Variants in ACOXL observed in about 807,000 individuals in gnomAD.
ACOXL encodes the protein acyl-CoA oxidase like.
Under a neutral mutation model 71.9 loss-of-function variants are expected in ACOXL, and 70 were observed. That is an observed-to-expected ratio of 0.97 (90% CI 0.80 to 1.19). ACOXL has a LOEUF of 1.19. ACOXL is among the 50% of genes most tolerant of loss of function. The pLI is 0.00. For missense variants in ACOXL, 703 were observed against 736.3 expected, an observed-to-expected ratio of 0.95 and a Z score of 0.52; for synonymous variants, 253 against 281.6, an observed-to-expected ratio of 0.90 and a Z score of 1.02.
At chr2:111,068,685 C>G (rs1178222153) in intron 16 of ACOXL, among the ~76,000 whole-genome samples, 2 of 152,096 alleles carry the variant, frequency 1.3e-5, no homozygotes, top group Non-Finnish European at 2.9e-5. Context: ...GGAGTCTTGC[C>G]CAACAATTAA....
intron 9 of ACOXL, among the ~76,000 whole-genome samples, chr2:110,806,909 C>T (rs1686717811): frequency 6.6e-6 from 1 of 151,464 alleles, no homozygotes; most frequent in Non-Finnish European, 1.5e-5. Context: ...CCAGACCAGG[C>T]AGAGGTGGGA....
At chr2:110,903,743 T>A (rs2059336110) in intron 10 of ACOXL, among the ~76,000 whole-genome samples, 1 of 152,238 alleles carries the variant, frequency 6.6e-6, no homozygotes, top group African/African-American at 2.4e-5. Flanking sequence ...ATTACAGCCC[T>A]GTGAGCTGTG....
intron 1 of ACOXL, among the ~76,000 whole-genome samples, chr2:110,733,792 T>C (rs1218944713): frequency 2.6e-5 from 4 of 152,226 alleles, no homozygotes; most frequent in African/African-American, 9.6e-5. Flanking sequence ...CGCCGACTTC[T>C]CTTTCCCTCT....
chr2:111,029,249 T>G (rs1055124548), intron 14 of ACOXL, among the ~76,000 whole-genome samples: 1 of 152,222 alleles, frequency 6.6e-6, no homozygotes, highest in African/African-American at 2.4e-5. Flanking sequence ...TTAAATCCCC[T>G]CCTGGAACCT....
intron 1 of ACOXL, among the ~76,000 whole-genome samples, chr2:110,762,766 C>T (rs1016202476): frequency 6.6e-6 from 1 of 152,150 alleles, no homozygotes; most frequent in Non-Finnish European, 1.5e-5. Context: ...AGCAATCCTC[C>T]TACCTCAGAC....
At chr2:110,798,101 A>G (rs111336798) in intron 5 of ACOXL, among the ~76,000 whole-genome samples, 33 of 152,250 alleles carry the variant, frequency 2.2e-4, no homozygotes, top group African/African-American at 7.7e-4. Flanking sequence ...TTCAAAGCTG[A>G]GGTGGAGGTG....
intron 11 of ACOXL, among the ~76,000 whole-genome samples, chr2:110,921,622 T>C (rs1002039149): frequency 2.0e-5 from 3 of 152,082 alleles, no homozygotes; most frequent in Non-Finnish European, 4.4e-5. Flanking sequence ...CTCAATCTCC[T>C]GACCTCGTGA....
intron 12 of ACOXL, among the ~76,000 whole-genome samples, chr2:110,966,614 C>G (rs1328652863): frequency 6.6e-6 from 1 of 152,258 alleles, no homozygotes; most frequent in Non-Finnish European, 1.5e-5. Context: ...CCTCTTGCCT[C>G]ACCTGACATC....
At chr2:110,990,382 G>T (rs1038327563) in intron 13 of ACOXL, among the ~76,000 whole-genome samples, 2 of 152,128 alleles carry the variant, frequency 1.3e-5, no homozygotes, top group African/African-American at 4.8e-5. Flanking sequence ...TTATAAATCT[G>T]ACTGTAAAGA....
chr2:111,020,046 G>T (rs1288010009), intron 14 of ACOXL, among the ~76,000 whole-genome samples: 1 of 152,138 alleles, frequency 6.6e-6, no homozygotes, highest in Non-Finnish European at 1.5e-5. Context: ...TTTTAGTAGA[G>T]ATGGGGTTTC....
rs368985557 is a variant in ACOXL, at chr2:110,906,537, CAAAAAAAAA to C, written c.789-2241_789-2233del. ...TGGACGACAGAGCAAGACTCTGTCT[CAAAAAAAAA>C]AAAAAAAAAATTGTATTATTATCGT... On this transcript the variant is annotated intron_variant, in intron 10 of 17. Transcript: ENST00000439055. 7.5e-4 allele frequency among the ~76,000 whole-genome samples: 54 copies of C among 72,164 alleles called. No individual in the cohort carries two copies. The East Asian group carries it at 0.018, about 24-fold the overall frequency. 47.3% of individuals were successfully genotyped at this position (72,164 alleles called of 152,430 possible). A position where few individuals can be genotyped will look rare whatever the true frequency, so the allele number is the denominator to read the frequency against.
intron 12 of ACOXL, among the ~76,000 whole-genome samples, chr2:110,936,924 C>T (rs961155389): frequency 2.0e-5 from 3 of 151,384 alleles, no homozygotes; most frequent in Admixed American, 6.6e-5. Context: ...CTTGGCTCAC[C>T]ACAACCTCCG....
intron 11 of ACOXL, among the ~76,000 whole-genome samples, chr2:110,925,564 C>G (rs975579035): frequency 1.3e-5 from 2 of 152,186 alleles, no homozygotes; most frequent in Non-Finnish European, 2.9e-5. Flanking sequence ...TTCTCTCAGC[C>G]TTTGTAGAAT....
At chr2:111,012,586 G>A (rs2064220836) in intron 14 of ACOXL, among the ~76,000 whole-genome samples, 1 of 152,182 alleles carries the variant, frequency 6.6e-6, no homozygotes, top group Non-Finnish European at 1.5e-5. Context: ...AAAGATTAAA[G>A]TAATGCAGAG....
chr2:111,107,615 A>G (rs908767913), intron 17 of ACOXL, among the ~76,000 whole-genome samples: 1 of 152,146 alleles, frequency 6.6e-6, no homozygotes, highest in Non-Finnish European at 1.5e-5. Flanking sequence ...CAGTCTCCCA[A>G]GTAGCTGGGA....
chr2:111,095,836 T>G (rs977783333), intron 17 of ACOXL, among the ~76,000 whole-genome samples: 1 of 152,212 alleles, frequency 6.6e-6, no homozygotes, highest in Non-Finnish European at 1.5e-5. Context: ...AAAGCCTTCT[T>G]TGTCACATCT....
chr2:111,034,347 C>T (rs1038834074), intron 15 of ACOXL, among the ~76,000 whole-genome samples: 15 of 152,270 alleles, frequency 9.9e-5, no homozygotes, highest in African/African-American at 2.2e-4. Flanking sequence ...AGAACATTTT[C>T]GACCTTGTTC....
At chr2:111,114,053 T>A (rs2070168636) in intron 17 of ACOXL, 1 of 152,688 alleles carries the variant, frequency 6.5e-6, no homozygotes, top group African/African-American at 2.4e-5. Context: ...AGGTTAAAAA[T>A]TTCTATTTCT....
At chr2:110,867,036 G>C (rs548960003) in intron 10 of ACOXL, among the ~76,000 whole-genome samples, 1 of 152,176 alleles carries the variant, frequency 6.6e-6, no homozygotes, top group African/African-American at 2.4e-5. Context: ...TGCAGACCTT[G>C]GTCTGGCCTT....
Sources: allele counts gnomAD v4.1 joint callset (sites outside exome capture counted in the v4.1 genomes callset), GRCh38; gene constraint gnomAD v4.1.1; transcripts MANE v1.5; gene names NCBI Gene and HGNC (gene_info 2026-07-23, HGNC 2026-07-21).